Variants in EFNA5 observed in about 807,000 individuals in gnomAD.
EFNA5 encodes the protein ephrin A5.
A neutral mutation model predicts 22.9 loss-of-function variants in EFNA5; 5 were observed. The observed-to-expected ratio is 0.22, with a 90% confidence interval of 0.11 to 0.46. The LOEUF is 0.46. Ranked by LOEUF, EFNA5 falls within the 20% of genes least tolerant of loss-of-function variation. EFNA5 has a pLI of 0.99. For missense variants in EFNA5, 237 were observed against 293.3 expected (o/e 0.81, Z 1.40); for synonymous variants, 113 against 112.2 (o/e 1.01, Z -0.04).
At chr5:107,583,447 G>A (rs978608325) in intron 1 of EFNA5, among the ~76,000 whole-genome samples, 1 of 152,196 alleles carries the variant, frequency 6.6e-6, no homozygotes, top group Non-Finnish European at 1.5e-5. Flanking sequence ...GCGTCGGCAA[G>A]GCAACAGAAA....
rs185976342 is a variant in EFNA5 at position 107,601,665 on chromosome 5, G to T, written c.125+68824C>A. 7.7e-4 allele frequency among the ~76,000 whole-genome samples: 118 copies of T among 152,280 alleles called. 1 individual carries two copies. Among genetic ancestry groups the T allele is most frequent in the Admixed American group, 1.9e-3 (29 of 15,304 alleles). On this transcript the variant is annotated intron_variant, in intron 1 of 4. Transcript: ENST00000333274. ...CTGACATTAATAATACTTGCTAAGG[G>T]TAAGTGCAGTAACTGAACACTTATT...
intron 1 of EFNA5, among the ~76,000 whole-genome samples, chr5:107,544,679 C>G (rs1270381073): frequency 6.6e-6 from 1 of 152,138 alleles, no homozygotes; most frequent in Admixed American, 6.5e-5. Context: ...CCTCAGTGTT[C>G]TTGGGATATT....
rs111235913 is a variant in EFNA5, at chr5:107,656,293, C to T, written c.125+14196G>A. ...CAAAGGAGATTCAAAATCCCTTTCC[C>T]GGGAAGAAGGTCCTGGAAGACTTGC... On this transcript the variant is annotated intron_variant, in intron 1 of 4. Transcript: ENST00000333274. 3.4e-3 allele frequency among the ~76,000 whole-genome samples: 511 copies of T among 152,160 alleles called. 4 individuals are homozygous for T. The highest frequency in any genetic ancestry group is 0.011 in the African/African-American group (463 of 41,530).
chr5:107,606,847 G>A (rs1749735197), intron 1 of EFNA5, among the ~76,000 whole-genome samples: 1 of 152,078 alleles, frequency 6.6e-6, no homozygotes, highest in Admixed American at 6.5e-5. Context: ...ATAGAAAAGG[G>A]TTTCTCCTGG....
intron 2 of EFNA5, among the ~76,000 whole-genome samples, chr5:107,395,052 T>TTTTTTTTTTTTTAC (rs1554056358): frequency 6.9e-6 from 1 of 144,196 alleles, no homozygotes; most frequent in Non-Finnish European, 1.5e-5. Context: ...TTTTTTTTTT[T>TTTTTTTTTTTTTAC]CCGCGAGACA....
At chr5:107,493,820 A>C (rs955730547) in intron 1 of EFNA5, among the ~76,000 whole-genome samples, 1 of 152,196 alleles carries the variant, frequency 6.6e-6, no homozygotes, top group African/African-American at 2.4e-5. Context: ...ACAGTCTATC[A>C]TTTAATATTC....
intron 1 of EFNA5, among the ~76,000 whole-genome samples, chr5:107,656,544 TA>T (rs1750829209): frequency 6.6e-6 from 1 of 152,148 alleles, no homozygotes; most frequent in Admixed American, 6.6e-5. Context: ...CTATGCAACT[TA>T]CCAGAATATA....
chr5:107,424,482 C>A (rs1748758346), intron 2 of EFNA5, among the ~76,000 whole-genome samples: 1 of 151,548 alleles, frequency 6.6e-6, no homozygotes, highest in Admixed American at 6.6e-5. Flanking sequence ...TCCCAAAGTG[C>A]TAGGATTACA....
intron 1 of EFNA5, among the ~76,000 whole-genome samples, chr5:107,589,927 C>A (rs746768600): frequency 1.3e-5 from 2 of 152,112 alleles, no homozygotes; most frequent in Non-Finnish European, 2.9e-5. Flanking sequence ...AGAAACCCTG[C>A]CAGAAAAAGT....
At chr5:107,549,729 G>A (rs906719267) in intron 1 of EFNA5, among the ~76,000 whole-genome samples, 1 of 152,258 alleles carries the variant, frequency 6.6e-6, no homozygotes, top group African/African-American at 2.4e-5. Flanking sequence ...CTCTGCGTAG[G>A]GATGTCCCTG....
At chr5:107,560,579 A>C (rs1449012535) in intron 1 of EFNA5, among the ~76,000 whole-genome samples, 1 of 152,226 alleles carries the variant, frequency 6.6e-6, no homozygotes, top group African/African-American at 2.4e-5. Flanking sequence ...AGCTGGCCAC[A>C]AACGTTAAGT....
intron 1 of EFNA5, among the ~76,000 whole-genome samples, chr5:107,579,634 C>CTT (rs3987982): frequency 0.48 from 73,228 of 151,732 alleles, 18,777 homozygotes; most frequent in African/African-American, 0.62. Flanking sequence ...TAGTCCTTTT[C>CTT]TCTCTCTCTG....
chr5:107,430,989 T>G (rs1748941049), intron 1 of EFNA5, among the ~76,000 whole-genome samples: 1 of 152,118 alleles, frequency 6.6e-6, no homozygotes, highest in Non-Finnish European at 1.5e-5. Context: ...TTGGCCAGAA[T>G]GGTCTCAATC....
At chr5:107,418,408 T>C (rs185558496) in intron 2 of EFNA5, among the ~76,000 whole-genome samples, 37 of 152,342 alleles carry the variant, frequency 2.4e-4, no homozygotes, top group African/African-American at 8.7e-4. Flanking sequence ...ACACAATTAA[T>C]CAGTTGCATT....
intron 1 of EFNA5, among the ~76,000 whole-genome samples, chr5:107,662,642 A>T (rs1750985996): frequency 6.6e-6 from 1 of 152,072 alleles, no homozygotes; most frequent in African/African-American, 2.4e-5. Flanking sequence ...GATTTGTTCT[A>T]ATGTGATAGG....
At chr5:107,463,310 T>G (rs1428810459) in intron 1 of EFNA5, among the ~76,000 whole-genome samples, 1 of 152,152 alleles carries the variant, frequency 6.6e-6, no homozygotes, top group Non-Finnish European at 1.5e-5. Flanking sequence ...ATTTCATACT[T>G]TATATATAAC....
At chr5:107,415,579 C>G (rs566294932) in intron 2 of EFNA5, among the ~76,000 whole-genome samples, 1 of 152,290 alleles carries the variant, frequency 6.6e-6, no homozygotes, top group African/African-American at 2.4e-5. Flanking sequence ...TCCCTGACTC[C>G]GGTAATCACC....
chr5:107,653,469 GCTGA>G (rs1277576208), intron 1 of EFNA5, among the ~76,000 whole-genome samples: 1 of 152,140 alleles, frequency 6.6e-6, no homozygotes, highest in Non-Finnish European at 1.5e-5. Context: ...GCTCTGGAGT[GCTGA>G]CTAAGGAGGA....
At chr5:107,393,264 A>G (rs1292343550) in intron 2 of EFNA5, among the ~76,000 whole-genome samples, 2 of 152,244 alleles carry the variant, frequency 1.3e-5, no homozygotes, top group African/African-American at 2.4e-5. Flanking sequence ...TACACAGGCC[A>G]TCAAGTTAAA....
Sources: gnomAD v4.1 joint callset for allele counts (sites outside exome capture counted in the v4.1 genomes callset) on GRCh38, gnomAD v4.1.1 for gene constraint, MANE v1.5 for transcripts, NCBI Gene and HGNC (gene_info 2026-07-23, HGNC 2026-07-21) for gene names.